DNAH8: variants seen among roughly 807,000 people sequenced by gnomAD.
DNAH8 encodes the protein axonemal beta dynein heavy chain 8.
DNAH8 carries 382 observed loss-of-function variants against 562.1 expected under a neutral mutation model. That is an observed-to-expected ratio of 0.68 (90% CI 0.63 to 0.74). The LOEUF is 0.74. Ranked by LOEUF, DNAH8 falls within the 30% of genes least tolerant of loss-of-function variation. The probability of loss-of-function intolerance (pLI) is 0.00; values close to 1 mark genes in which losing one functional copy is unlikely to be tolerated. For synonymous variants in DNAH8, 1,881 were observed against 1,919.4 expected, an observed-to-expected ratio of 0.98 and a Z score of 0.52; for missense variants, 5,203 against 5,620.4, an observed-to-expected ratio of 0.93 and a Z score of 2.37.
chr6:38,762,651 A>G (rs1766631626), intron 11 of DNAH8, among the ~76,000 whole-genome samples: 1 of 152,232 alleles, frequency 6.6e-6, no homozygotes, highest in Admixed American at 6.5e-5. Flanking sequence ...TGACCTGTTC[A>G]TTGAAAGTTT....
intron 17 of DNAH8, 65 bp from the exon 18 acceptor site, chr6:38,786,700 A>T (rs910913740): frequency 9.2e-6 from 14 of 1,528,862 alleles, no homozygotes; most frequent in Non-Finnish European, 1.1e-5. Context: ...AGACAGAAAT[A>T]TAAACACAGC....
chr6:38,952,515 C>G (rs1237176810), intron 82 of DNAH8, among the ~76,000 whole-genome samples: 1 of 152,156 alleles, frequency 6.6e-6, no homozygotes, highest in African/African-American at 2.4e-5. Context: ...TTGAGTATTA[C>G]AGTGATTGAT....
chr6:38,799,253 G>A (rs997719115), intron 21 of DNAH8, among the ~76,000 whole-genome samples: 1 of 151,748 alleles, frequency 6.6e-6, no homozygotes, highest in Non-Finnish European at 1.5e-5. Context: ...CTTCCTTTGG[G>A]TTCTATGGAG....
Position 38,842,548 on chromosome 6 carries a change from A to C in DNAH8, c.4604+43A>C, listed in dbSNP as rs771096933. On this transcript the variant is annotated intron_variant, in intron 34 of 92. Coordinates refer to ENST00000327475, the MANE Select transcript of DNAH8 (RefSeq NM_001206927.2). ...TTTTTATAATGCCTGTCTTCTTAGG[A>C]TCCTATAGGTATTTCAGAAGCTAAT... The C allele has an allele frequency of 2.5e-6, 4 of 1,598,662 alleles. No homozygotes were observed. In the African/African-American group the frequency reaches 4.0e-5, roughly 16 times the overall value.
rs562548986 is a variant in DNAH8 at position 39,014,560 on chromosome 6, T to C, written c.13714+1923T>C. 1.2e-4 allele frequency among the ~76,000 whole-genome samples: 18 copies of C among 152,288 alleles called. No homozygotes were observed. In the East Asian group the frequency reaches 3.5e-3, roughly 29 times the overall value. On this transcript the variant is annotated intron_variant, in intron 91 of 92. Coordinates refer to ENST00000327475, the MANE Select transcript of DNAH8 (RefSeq NM_001206927.2). ...ACACATCAGCAACCTTAATGTAATG[T>C]GATAAGTGCCCCACTGTGTGAGAAC...
At chr6:38,798,382 A>G (rs56266437) in intron 21 of DNAH8, among the ~76,000 whole-genome samples, 28,448 of 152,230 alleles carry the variant, frequency 0.19, 2,842 homozygotes, top group Non-Finnish European at 0.2. Context: ...CTTCTTTAGT[A>G]TTCAGTCTGT....
chr6:38,890,788 T>TA, intron 58 of DNAH8, 27 bp downstream of exon 58: 1 of 1,492,242 alleles, frequency 6.7e-7, no homozygotes, highest in Non-Finnish European at 9.4e-7. Context: ...CAATAATTTT[T>TA]AAAAAGGCAA....
intron 82 of DNAH8, among the ~76,000 whole-genome samples, chr6:38,956,366 T>G (rs1195532346): frequency 6.6e-6 from 1 of 152,178 alleles, no homozygotes; most frequent in African/African-American, 2.4e-5. Context: ...GCCATCATCC[T>G]CCAGCAGATC....
Position 39,008,849 on chromosome 6 carries a change from C to T in DNAH8, c.13250C>T (p.Thr4417Ile). 6.2e-7 allele frequency: 1 copy of T among 1,608,000 alleles called. No individual in the cohort carries two copies. The highest frequency in any genetic ancestry group is 8.5e-7 in the Non-Finnish European group (1 of 1,174,804). The change falls in exon 89 of 93, where the codon ACA (threonine) becomes ATA (isoleucine). Residue 4417 changes from threonine (T) to isoleucine (I), a missense_variant. Thr to Ile is a moderately conservative substitution (Grantham distance 89). Transcript: ENST00000327475. Reference protein sequence around the residue: ...QSNTASAVLETITNIQPKESG... With the variant: ...QSNTASAVLEIITNIQPKESG... ...AACACTGCTTCTGCTGTTCTTGAAA[C>T]AATTACCAACATTCAACCCAAAGAG...
rs944673337 is a variant in DNAH8, at chr6:38,779,091, G to T, written c.2039+627G>T. On this transcript the variant is annotated intron_variant, in intron 14 of 92. Transcript: ENST00000327475. ...CAGCACTACTCTCTCAAAGGGCGAG[G>T]AATCCCAGATTAGAGGGCTGAGCGG... 2.0e-5 allele frequency among the ~76,000 whole-genome samples: 3 copies of T among 152,042 alleles called. No individual in the cohort carries two copies. In the South Asian group the frequency reaches 6.2e-4, roughly 32 times the overall value.
chr6:38,746,272 G>C (rs13201940), intron 8 of DNAH8, among the ~76,000 whole-genome samples: 7,423 of 152,058 alleles, frequency 0.049, 211 homozygotes, highest in East Asian at 0.096. Context: ...TGCTCAAATT[G>C]TTTCCTCTTT....
In DNAH8 at chr6:38,715,956, A is replaced by ATTTTT. The variant is rs1562521493; in HGVS notation, c.-35+542_-35+543insTTTTT. Among the ~76,000 whole-genome samples, 6 of 27,022 alleles carry ATTTTT rather than the reference A, an allele frequency of 2.2e-4. No homozygotes were observed. The East Asian group carries it at 2.3e-3, about 10-fold the overall frequency. 17.7% of individuals were successfully genotyped at this position (27,022 alleles called of 152,430 possible). A position where few individuals can be genotyped will look rare whatever the true frequency, so the allele number is the denominator to read the frequency against. On this transcript the variant is annotated intron_variant, in intron 1 of 92. Coordinates refer to ENST00000327475, the MANE Select transcript of DNAH8 (RefSeq NM_001206927.2). ...TATATATATATATATATATATATAT[A>ATTTTT]TATATTTTTTTTTTTTTTTTGAGAC...
At chr6:38,826,081 A>G (rs1773293164) in intron 28 of DNAH8, 75 bp from the exon 29 acceptor site, 2 of 968,124 alleles carry the variant, frequency 2.1e-6, no homozygotes, top group Admixed American at 2.8e-5. Flanking sequence ...TGAATTGGAC[A>G]GAGCAATTAT....
intron 91 of DNAH8, among the ~76,000 whole-genome samples, chr6:39,023,443 A>C (rs995492867): frequency 2.6e-5 from 4 of 152,238 alleles, no homozygotes; most frequent in African/African-American, 9.6e-5. Flanking sequence ...CAGTGAGCGG[A>C]GATCACGCCA....
Position 38,756,003 on chromosome 6 carries a change from T to C in DNAH8, c.1439T>C (p.Ile480Thr). 1 of 1,610,270 alleles carries C rather than the reference T, an allele frequency of 6.2e-7. No individual in the cohort carries two copies. Among genetic ancestry groups the C allele is most frequent in the Non-Finnish European group, 8.5e-7 (1 of 1,176,882 alleles). ...VSMAHGIQNL[I>T]NAIRMIHGVS... ...ATGGCACATGGAATACAAAATTTGA[T>C]TAATGCCATCAGAATGATTCACGGT... Residue 480 changes from isoleucine (I) to threonine (T), a missense_variant, in exon 10 of 93, where the codon ATT becomes ACT. Ile to Thr is a moderately conservative substitution (Grantham distance 89, BLOSUM62 -1). Coordinates refer to ENST00000327475, the MANE Select transcript of DNAH8 (RefSeq NM_001206927.2).
intron 82 of DNAH8, among the ~76,000 whole-genome samples, chr6:38,968,211 T>C (rs1234333866): frequency 1.3e-5 from 2 of 151,848 alleles, no homozygotes; most frequent in Non-Finnish European, 2.9e-5. Context: ...AAAATAAGAG[T>C]AAATCTTTGA....
At position 38,909,534 on chromosome 6, in the gene DNAH8, G is replaced by C; in HGVS notation, c.9530G>C (p.Arg3177Pro). ...TATCAATAGGTTGGTGAGAAGTTCCGTGCCCGTTCTTTGAAATTTCCTGGC... is the reference window on the plus strand; with the variant it reads ...TATCAATAGGTTGGTGAGAAGTTCCCTGCCCGTTCTTTGAAATTTCCTGGC... Reference protein sequence around the residue: ...LCFSPVGEKFRARSLKFPGLI... With the variant: ...LCFSPVGEKFPARSLKFPGLI... Residue 3177 changes from arginine (R) to proline (P), a missense_variant, in exon 65 of 93, where the codon CGT becomes CCT. Physicochemically the swap from Arg to Pro is moderately radical, Grantham distance 103. Transcript: ENST00000327475. The C allele has an allele frequency of 6.2e-7, 1 of 1,614,028 alleles. No individual in the cohort carries two copies. The highest frequency in any genetic ancestry group is 8.5e-7 in the Non-Finnish European group (1 of 1,179,970).
At chr6:38,859,962 A>G (rs1776484986) in intron 42 of DNAH8, among the ~76,000 whole-genome samples, 1 of 152,118 alleles carries the variant, frequency 6.6e-6, no homozygotes, top group Non-Finnish European at 1.5e-5. Flanking sequence ...CCCTAGCTGT[A>G]CTGACCTTTT....
At chr6:38,756,867 T>C (rs1162186791) in intron 10 of DNAH8, among the ~76,000 whole-genome samples, 2 of 152,168 alleles carry the variant, frequency 1.3e-5, no homozygotes, top group Non-Finnish European at 1.5e-5. Context: ...TTTTTATGGC[T>C]GCATAGTATT....
Sources: gnomAD v4.1 joint callset for allele counts (sites outside exome capture counted in the v4.1 genomes callset) on GRCh38, gnomAD v4.1.1 for gene constraint, MANE v1.5 for transcripts, NCBI Gene and HGNC (gene_info 2026-07-23, HGNC 2026-07-21) for gene names.